RBFOX1: variants seen among roughly 807,000 people sequenced by gnomAD.
RBFOX1 encodes RNA binding protein fox-1 homolog 1.
RBFOX1 carries 8 observed loss-of-function variants against 57.7 expected under a neutral mutation model. The observed-to-expected ratio is 0.14, with a 90% CI of 0.08 to 0.25. RBFOX1 has a LOEUF of 0.25. RBFOX1 is among the 10% of genes least tolerant of loss of function. The pLI is 1.00. For synonymous variants in RBFOX1, 326 were observed against 222.4 expected (o/e 1.47, Z -4.15); for missense variants, 611 against 548.5 (o/e 1.11, Z -1.14).
chr16:5,780,563 A>G (rs190801716), intron 3 of RBFOX1, among the ~76,000 whole-genome samples: 2 of 152,222 alleles, frequency 1.3e-5, no homozygotes, highest in East Asian at 3.9e-4. Flanking sequence ...ATTCCTCCAA[A>G]TGAAAAAAAA....
chr16:7,699,462 G>T (rs181760808), intron 14 of RBFOX1, among the ~76,000 whole-genome samples: 1 of 152,232 alleles, frequency 6.6e-6, no homozygotes, highest in Admixed American at 6.5e-5. Context: ...AAAGTCCTGC[G>T]AGTACAGGCA....
intron 3 of RBFOX1, among the ~76,000 whole-genome samples, chr16:6,979,283 G>C (rs6500893): frequency 6.6e-6 from 1 of 152,142 alleles, no homozygotes; most frequent in African/African-American, 2.4e-5. Flanking sequence ...GGATTCTATG[G>C]GGTCCTGTCT....
intron 1 of RBFOX1, among the ~76,000 whole-genome samples, chr16:6,262,149 C>T (rs1243794716): frequency 6.6e-6 from 1 of 152,148 alleles, no homozygotes; most frequent in African/African-American, 2.4e-5. Context: ...CGGTATTCCA[C>T]CATCCAGAAC....
At chr16:5,772,875 G>C (rs56322241) in intron 3 of RBFOX1, among the ~76,000 whole-genome samples, 4,339 of 152,252 alleles carry the variant, frequency 0.028, 217 homozygotes, top group African/African-American at 0.098. Context: ...GAGGTCAAGA[G>C]TAGACCAGTA....
chr16:7,197,986 T>TTTTG (rs2087189066), intron 4 of RBFOX1, among the ~76,000 whole-genome samples: 4 of 120,322 alleles, frequency 3.3e-5, no homozygotes, highest in Non-Finnish European at 6.8e-5. Context: ...TACCTTGTGG[T>TTTTG]TTTCTTTCTT....
intron 1 of RBFOX1, among the ~76,000 whole-genome samples, chr16:6,189,455 G>T (rs898114643): frequency 2.0e-5 from 3 of 152,062 alleles, no homozygotes; most frequent in South Asian, 2.1e-4. Context: ...CTGTTGGGTT[G>T]CCGGGGCTAA....
At chr16:5,267,227 C>T (rs1246669232) in intron 1 of RBFOX1, among the ~76,000 whole-genome samples, 1 of 152,008 alleles carries the variant, frequency 6.6e-6, no homozygotes, top group East Asian at 1.9e-4. Flanking sequence ...ATGACTCATG[C>T]TCTTAACATA....
intron 4 of RBFOX1, among the ~76,000 whole-genome samples, chr16:5,908,123 C>CATATATATATACACATATATACACAT (rs2058511184): frequency 1.6e-5 from 2 of 128,522 alleles, no homozygotes; most frequent in South Asian, 2.6e-4. Flanking sequence ...CATATATACA[C>CATATATATATACACATATATACACAT]ATATATATAT....
At chr16:7,015,340 G>A (rs2093855811) in intron 3 of RBFOX1, among the ~76,000 whole-genome samples, 1 of 152,016 alleles carries the variant, frequency 6.6e-6, no homozygotes, top group African/African-American at 2.4e-5. Context: ...TCTGGAGCTT[G>A]GCTTCTTAGC....
At chr16:7,663,879 G>T (rs372758592) in intron 12 of RBFOX1, among the ~76,000 whole-genome samples, 25 of 152,222 alleles carry the variant, frequency 1.6e-4, no homozygotes, top group East Asian at 7.7e-4. Context: ...AGTTTCTCAC[G>T]ACCACGTAGC....
intron 2 of RBFOX1, among the ~76,000 whole-genome samples, chr16:6,463,292 G>C (rs1178785232): frequency 6.6e-6 from 1 of 152,054 alleles, no homozygotes; most frequent in Non-Finnish European, 1.5e-5. Flanking sequence ...TGTTAACTCG[G>C]ATGTGTGCAT....
At chr16:6,055,596 A>G (rs1454890688) in intron 1 of RBFOX1, among the ~76,000 whole-genome samples, 48 of 150,160 alleles carry the variant, frequency 3.2e-4, no homozygotes, top group African/African-American at 1.0e-3. Flanking sequence ...CCGTCAAAAA[A>G]AAAAAAAAAA....
chr16:6,835,230 G>C lies in RBFOX1; in HGVS notation c.-16+180580G>C, dbSNP rs773440119. ...TGACTTCTCTTGTGAAGATGGCTCCGTTAGTGAGCGCTGTGGACTAAGATC... is the reference window on the plus strand; with the variant it reads ...TGACTTCTCTTGTGAAGATGGCTCCCTTAGTGAGCGCTGTGGACTAAGATC... On this transcript the variant is annotated intron_variant, in intron 3 of 15. Coordinates refer to ENST00000550418, the MANE Select transcript of RBFOX1 (RefSeq NM_018723.4). Among the ~76,000 whole-genome samples the C allele has an allele frequency of 7.9e-5, 12 of 152,208 alleles. No individual in the cohort carries two copies. In the East Asian group the frequency reaches 1.7e-3, roughly 22 times the overall value.
At chr16:6,982,214 T>C (rs750341279) in intron 3 of RBFOX1, among the ~76,000 whole-genome samples, 23 of 152,216 alleles carry the variant, frequency 1.5e-4, no homozygotes, top group Non-Finnish European at 3.2e-4. Flanking sequence ...GGTCCTGTGG[T>C]TGGCTATCAG....
chr16:5,765,824 C>T (rs1038162210), intron 3 of RBFOX1, among the ~76,000 whole-genome samples: 1 of 152,224 alleles, frequency 6.6e-6, no homozygotes, highest in African/African-American at 2.4e-5. Flanking sequence ...GAGTTCCAGA[C>T]ACTAATGGCA....
At chr16:5,359,043 A>G (rs1160995779) in intron 1 of RBFOX1, among the ~76,000 whole-genome samples, 1 of 152,124 alleles carries the variant, frequency 6.6e-6, no homozygotes, top group Non-Finnish European at 1.5e-5. Context: ...TATATCCCAG[A>G]AATTAGTGAG....
intron 4 of RBFOX1, among the ~76,000 whole-genome samples, chr16:5,926,038 C>G (rs936449827): frequency 1.3e-5 from 2 of 152,164 alleles, no homozygotes; most frequent in African/African-American, 2.4e-5. Context: ...CCCTTGCTCA[C>G]TTGGGTGATG....
intron 4 of RBFOX1, among the ~76,000 whole-genome samples, chr16:7,427,579 C>G (rs1416712592): frequency 6.6e-6 from 1 of 152,012 alleles, no homozygotes; most frequent in African/African-American, 2.4e-5. Context: ...TTCCCTTGCC[C>G]AAGCTAATTT....
At chr16:5,562,525 G>A (rs550588560) in intron 2 of RBFOX1, among the ~76,000 whole-genome samples, 256 of 152,218 alleles carry the variant, frequency 1.7e-3, no homozygotes, top group Non-Finnish European at 3.2e-3. Flanking sequence ...GGGGGAGACA[G>A]GAAGACCCCA....
Sources: allele counts gnomAD v4.1 joint callset (sites outside exome capture counted in the v4.1 genomes callset), GRCh38; gene constraint gnomAD v4.1.1; transcripts MANE v1.5; gene names NCBI Gene and HGNC (gene_info 2026-07-23, HGNC 2026-07-21).